Variants in TMEM248 observed in about 807,000 individuals in gnomAD.
TMEM248 encodes UPF0458 protein C7orf42.
In TMEM248, 9 loss-of-function variants were observed where a neutral mutation model predicts 30.3. The observed-to-expected ratio is 0.30, with a 90% CI of 0.18 to 0.52. TMEM248 has a LOEUF of 0.52. TMEM248 is among the 20% of genes least tolerant of loss of function. The pLI, the probability that TMEM248 is intolerant of heterozygous loss-of-function variation, is 0.97. For missense variants in TMEM248, 338 were observed against 403.3 expected (o/e 0.84, Z 1.39); for synonymous variants, 184 against 154.4 (o/e 1.19, Z -1.42).
Position 66,945,207 on chromosome 7 carries a change from C to A in TMEM248, c.391C>A (p.Arg131Ser). The change falls in exon 3 of 7, where the codon CGC (arginine) becomes AGC (serine). Residue 131 changes from arginine (R) to serine (S), a missense_variant. By Grantham distance (110) the Arg-to-Ser change is moderately radical. Transcript: ENST00000341567. ...ACTGAAACCCTTCGGAGGGTATTCCCGCAACGTCACCCATCTGTACTCAAC... is the reference window on the plus strand; with the variant it reads ...ACTGAAACCCTTCGGAGGGTATTCCAGCAACGTCACCCATCTGTACTCAAC... ...DPLKPFGGYS[R>S]NVTHLYSTIL... The A allele has an allele frequency of 6.2e-7, 1 of 1,614,156 alleles. No individual in the cohort carries two copies. Among genetic ancestry groups the A allele is most frequent in the Non-Finnish European group, 8.5e-7 (1 of 1,180,026 alleles).
chr7:66,926,902 T>C (rs1791540790), intron 1 of TMEM248, among the ~76,000 whole-genome samples: 1 of 152,176 alleles, frequency 6.6e-6, no homozygotes, highest in Non-Finnish European at 1.5e-5. Context: ...TTCGAAACAC[T>C]GCCGTTTGGA....
rs552056902 is a variant in TMEM248 at position 66,955,796 on chromosome 7, G to C, written c.*274G>C. 1 of 443,662 alleles carries C rather than the reference G, an allele frequency of 2.3e-6. No homozygotes were observed. Among genetic ancestry groups the C allele is most frequent in the Non-Finnish European group, 4.0e-6 (1 of 252,566 alleles). The allele number at this position is 443,662 out of a possible 1,614,324, so 27.5% of individuals were successfully genotyped here. A position where few individuals can be genotyped will look rare whatever the true frequency, so the allele number is the denominator to read the frequency against. Reference sequence around the variant, plus strand: ...GACCTACCTGATGGGACGTTTCCACGTGTCTCTAGAGAAGGATTCCTGGAT... The same window carrying C: ...GACCTACCTGATGGGACGTTTCCACCTGTCTCTAGAGAAGGATTCCTGGAT... On this transcript the variant is annotated 3_prime_UTR_variant, in exon 7 of 7. Coordinates refer to ENST00000341567, the MANE Select transcript of TMEM248 (RefSeq NM_017994.5).
chr7:66,953,510 ATTG>A, intron 6 of TMEM248, 141 bp downstream of exon 6: 1 of 1,212,672 alleles, frequency 8.2e-7, no homozygotes, highest in Non-Finnish European at 1.2e-6. Flanking sequence ...TCCGAGGAGG[ATTG>A]GTTCCAGGAC....
chr7:66,955,380 A>G, intron 6 of TMEM248, 122 bp from the exon 7 acceptor site: 1 of 1,148,540 alleles, frequency 8.7e-7, no homozygotes, highest in Non-Finnish European at 1.3e-6. Context: ...CTTTTTAGGG[A>G]TTTAGTAACT....
chr7:66,951,955 C>T (rs925283502), intron 5 of TMEM248, among the ~76,000 whole-genome samples: 22 of 152,156 alleles, frequency 1.4e-4, no homozygotes, highest in African/African-American at 4.8e-4. Flanking sequence ...AGCCGCTGCA[C>T]CTGGCCCAAG....
chr7:66,935,678 G>A (rs1317503806), intron 1 of TMEM248, among the ~76,000 whole-genome samples: 1 of 152,166 alleles, frequency 6.6e-6, no homozygotes, highest in African/African-American at 2.4e-5. Context: ...GAGTAACTGG[G>A]ATTATAGATG....
At chr7:66,923,715 C>T (rs1288816392) in intron 1 of TMEM248, among the ~76,000 whole-genome samples, 1 of 152,192 alleles carries the variant, frequency 6.6e-6, no homozygotes, top group African/African-American at 2.4e-5. Flanking sequence ...GAGTCTTGCT[C>T]TGTTGCCCAG....
intron 5 of TMEM248, 28 bp downstream of exon 5, chr7:66,951,163 TGTGC>T (rs1185386391): frequency 6.5e-7 from 1 of 1,543,748 alleles, no homozygotes; most frequent in Non-Finnish European, 8.7e-7. Flanking sequence ...TGTGTGTGTG[TGTGC>T]GTGCATGCAT....
At chr7:66,928,840 T>G (rs1392543183) in intron 1 of TMEM248, among the ~76,000 whole-genome samples, 1 of 152,094 alleles carries the variant, frequency 6.6e-6, no homozygotes, top group Non-Finnish European at 1.5e-5. Flanking sequence ...CAGGCTAGAG[T>G]GCAGTGGTGC....
At chr7:66,933,011 A>G (rs1791707823) in intron 1 of TMEM248, among the ~76,000 whole-genome samples, 1 of 150,004 alleles carries the variant, frequency 6.7e-6, no homozygotes, top group East Asian at 2.0e-4. Flanking sequence ...ACCACGCGCC[A>G]CCACACCCGG....
chr7:66,941,979 C>G lies in TMEM248; in HGVS notation c.114C>G (p.Gly38=), dbSNP rs759271261. The change falls in exon 2 of 7, where the codon GGC becomes GGG. Residue 38 remains glycine, a synonymous_variant. Transcript: ENST00000341567. Reference sequence around the variant, plus strand: ...TGGCCATAGCTTTCCTGACCCTGGGCTACTTCTTCAAAATCAAGGAGATTA... The same window carrying G: ...TGGCCATAGCTTTCCTGACCCTGGGGTACTTCTTCAAAATCAAGGAGATTA... ...SAMAIAFLTL[G]YFFKIKEIKS... 1 of 1,614,014 alleles carries G rather than the reference C, an allele frequency of 6.2e-7. No homozygotes were observed. Among genetic ancestry groups the G allele is most frequent in the Non-Finnish European group, 8.5e-7 (1 of 1,180,032 alleles).
At chr7:66,925,358 CAAAAA>C (rs1299681610) in intron 1 of TMEM248, among the ~76,000 whole-genome samples, 1 of 151,898 alleles carries the variant, frequency 6.6e-6, no homozygotes, top group African/African-American at 2.4e-5. Context: ...CAATATAACT[CAAAAA>C]AGAAAAAATA....
At chr7:66,953,502 C>T (rs536869767) in intron 6 of TMEM248, 133 bp downstream of exon 6, 29 of 1,259,550 alleles carry the variant, frequency 2.3e-5, no homozygotes, top group South Asian at 1.9e-4. Flanking sequence ...CCTTGGTATC[C>T]GAGGAGGATT....
At chr7:66,945,766 C>G (rs995911355) in intron 3 of TMEM248, among the ~76,000 whole-genome samples, 1 of 151,882 alleles carries the variant, frequency 6.6e-6, no homozygotes, top group Admixed American at 6.6e-5. Flanking sequence ...GCGTGGGCAA[C>G]ATGGTGAAAC....
At chr7:66,949,844 A>G (rs1792216101) in intron 4 of TMEM248, among the ~76,000 whole-genome samples, 1 of 152,022 alleles carries the variant, frequency 6.6e-6, no homozygotes, top group Admixed American at 6.6e-5. Context: ...TCCTGTCTCT[A>G]TAAAGGAGAT....
At chr7:66,949,905 ATAAT>A (rs1792217472) in intron 4 of TMEM248, among the ~76,000 whole-genome samples, 1 of 152,222 alleles carries the variant, frequency 6.6e-6, no homozygotes, top group Non-Finnish European at 1.5e-5. Context: ...CCTATTTAAA[ATAAT>A]TCTATGGTGA....
chr7:66,924,605 A>G (rs937147399), intron 1 of TMEM248, among the ~76,000 whole-genome samples: 1 of 151,922 alleles, frequency 6.6e-6, no homozygotes, highest in Admixed American at 6.6e-5. Flanking sequence ...GGGTTTCATC[A>G]TGTTGGTCAG....
intron 1 of TMEM248, among the ~76,000 whole-genome samples, chr7:66,926,018 G>C (rs769423027): frequency 6.6e-6 from 1 of 152,022 alleles, no homozygotes; most frequent in Non-Finnish European, 1.5e-5. Context: ...AGTGCATGAC[G>C]GCTCCCTTAG....
intron 6 of TMEM248, 92 bp from the exon 7 acceptor site, chr7:66,955,410 T>C: frequency 7.1e-7 from 1 of 1,417,094 alleles, no homozygotes; most frequent in Non-Finnish European, 9.9e-7. Flanking sequence ...GGTTGATATG[T>C]GCAATTAGTG....
Sources: gnomAD v4.1 joint callset for allele counts (sites outside exome capture counted in the v4.1 genomes callset) on GRCh38, gnomAD v4.1.1 for gene constraint, MANE v1.5 for transcripts, NCBI Gene and HGNC (gene_info 2026-07-23, HGNC 2026-07-21) for gene names.